Variants in RPS12 observed in about 807,000 individuals in gnomAD.
The protein encoded by RPS12 is ribosomal protein S12.
Under a neutral mutation model 17.2 loss-of-function variants are expected in RPS12, and 1 was observed. The ratio of observed to expected loss-of-function variants is 0.06; its 90% CI spans 0.02 to 0.28. The LOEUF is 0.28. RPS12 is among the 10% of genes least tolerant of loss of function. The probability of loss-of-function intolerance (pLI) is 1.00; values close to 1 mark genes in which losing one functional copy is unlikely to be tolerated. For missense variants in RPS12, 146 were observed against 162.1 expected, an observed-to-expected ratio of 0.90 and a Z score of 0.54; for synonymous variants, 67 against 54.0, an observed-to-expected ratio of 1.24 and a Z score of -1.06.
chr6:132,816,366 G>A lies in RPS12; in HGVS notation c.132-95G>A, dbSNP rs954046304. On this transcript the variant is annotated intron_variant, in intron 3 of 5. Transcript: ENST00000230050. ...TCAGTGGATTGGCTGCTTATGTTTC[G>A]CAAGTGTTAGTGCAAAGATAACCCT... 1.7e-5 allele frequency: 15 copies of A among 875,066 alleles called. No homozygotes were observed. The Middle Eastern group carries it at 8.1e-4, about 47-fold the overall frequency. 54.2% of individuals were successfully genotyped at this position (875,066 alleles called of 1,614,324 possible). A position where few individuals can be genotyped will look rare whatever the true frequency, so the allele number is the denominator to read the frequency against.
chr6:132,816,880 C>A (rs1021857928), intron 4 of RPS12, 80 bp from the exon 5 acceptor site: 7 of 967,590 alleles, frequency 7.2e-6, no homozygotes, highest in Non-Finnish European at 1.2e-5. Context: ...ATTACAGCCA[C>A]CTTTTGGGTT....
At chr6:132,815,850 T>G (rs1347186139) in intron 3 of RPS12, 4 of 431,688 alleles carry the variant, frequency 9.3e-6, no homozygotes, top group Admixed American at 8.4e-5. Flanking sequence ...TTTTTTCTTT[T>G]TTTTTTTTGA....
chr6:132,814,787 G>A lies in RPS12; in HGVS notation c.14+5G>A, dbSNP rs1782004667. 1 of 1,613,010 alleles carries A rather than the reference G, an allele frequency of 6.2e-7. No homozygotes were observed. Among genetic ancestry groups the A allele is most frequent in the African/African-American group, 1.3e-5 (1 of 75,028 alleles). On this transcript the variant is annotated splice_donor_5th_base_variant and intron_variant, in intron 2 of 5. Transcript: ENST00000230050. ...CACCGCCATGGCCGAGGAAGGGTGA[G>A]CCCAGGGGCCGGGGTTGGAGTTGGG...
rs187434472 is a variant in RPS12 at position 132,815,156 on chromosome 6, G to A, written c.131+68G>A. On this transcript the variant is annotated intron_variant, in intron 3 of 5. Transcript: ENST00000230050. ...ACAAAACTGCCACCCAAGGGAAGAA[G>A]GCATGGAGTTCATGGTGTTAGCGCA... 2,158 of 1,006,134 alleles carry A rather than the reference G, an allele frequency of 2.1e-3. 3 individuals are homozygous for A. Among genetic ancestry groups the A allele is most frequent in the Middle Eastern group, 4.1e-3 (20 of 4,856 alleles). The allele number at this position is 1,006,134 out of a possible 1,614,324, so 62.3% of individuals were successfully genotyped here.
At position 132,814,614 on chromosome 6, in the gene RPS12, G is replaced by T; in HGVS notation, c.-38+1G>T. On this transcript the variant is annotated splice_donor_variant, in intron 1 of 5. Coordinates refer to ENST00000230050, the MANE Select transcript of RPS12 (RefSeq NM_001016.4). LOFTEE classifies it low-confidence loss of function (5UTR_SPLICE). ...AGTCGCGCGGAGGCGGAGGCTTGGG[G>T]TAAGTTGAGCGAGGCGGCAGGGGGG... The T allele has an allele frequency of 3.2e-6, 3 of 934,744 alleles. No homozygotes were observed. The highest frequency in any genetic ancestry group is 1.7e-5 in the Admixed American group (1 of 57,606). 57.9% of individuals were successfully genotyped at this position (934,744 alleles called of 1,614,324 possible).
chr6:132,816,762 T>C (rs777263850), intron 4 of RPS12, 198 bp from the exon 5 acceptor site: 2 of 768,874 alleles, frequency 2.6e-6, no homozygotes, highest in South Asian at 1.4e-5. Context: ...GACGTTGGTA[T>C]ACAACAAAGA....
intron 3 of RPS12, chr6:132,815,887 G>A (rs932802578): frequency 2.2e-6 from 1 of 445,782 alleles, no homozygotes; most frequent in Non-Finnish European, 4.4e-6. Context: ...CTGTCCCCCA[G>A]GCTGGAGTGC....
In RPS12 at chr6:132,814,574, T is replaced by G; in HGVS notation, c.-77T>G. 1 of 742,128 alleles carries G rather than the reference T, an allele frequency of 1.3e-6. No homozygotes were observed. The highest frequency in any genetic ancestry group is 1.5e-5 in the South Asian group (1 of 66,546). The allele number at this position is 742,128 out of a possible 1,614,324, so 46.0% of individuals were successfully genotyped here. On this transcript the variant is annotated 5_prime_UTR_variant, in exon 1 of 6. Coordinates refer to ENST00000230050, the MANE Select transcript of RPS12 (RefSeq NM_001016.4). ...GGCATGCGTGCGGATGAGGCCTCTT[T>G]CCCTGCCGCCGCCGAGTCGCGCGGA...
At chr6:132,816,677 C>T in intron 4 of RPS12, 114 bp downstream of exon 4, 1 of 808,852 alleles carries the variant, frequency 1.2e-6, no homozygotes, top group Non-Finnish European at 2.2e-6. Flanking sequence ...ATTACGTGCA[C>T]CTGATACTGT....
Position 132,816,553 on chromosome 6 carries a change from A to G in RPS12, c.224A>G (p.Asn75Ser). The stretch of plus-strand genomic sequence containing the variant: ...GCCCTTTGTGCTGAACACCAAATCA[A>G]CCTAATTAAGGTAAGGCTGCTAAGG... ...VEALCAEHQINLIKVDDNKKL... is the reference protein window; with the variant it reads ...VEALCAEHQISLIKVDDNKKL... Residue 75 changes from asparagine to serine, a missense_variant, in exon 4 of 6, where the codon AAC becomes AGC. Coordinates refer to ENST00000230050, the MANE Select transcript of RPS12 (RefSeq NM_001016.4). The G allele has an allele frequency of 3.1e-6, 5 of 1,594,950 alleles. No homozygotes were observed. The highest frequency in any genetic ancestry group is 4.3e-6 in the Non-Finnish European group (5 of 1,173,968).
rs555878016 is a variant in RPS12, at chr6:132,814,896, A to G, written c.15-76A>G. 8.1e-4 allele frequency: 1,135 copies of G among 1,409,120 alleles called. 1 individual carries two copies. The highest frequency in any genetic ancestry group is 1.5e-3 in the Admixed American group (92 of 59,670). The allele number at this position is 1,409,120 out of a possible 1,614,324, so 87.3% of individuals were successfully genotyped here. On this transcript the variant is annotated intron_variant, in intron 2 of 5. Coordinates refer to ENST00000230050, the MANE Select transcript of RPS12 (RefSeq NM_001016.4). ...GTCGCCGTAAGCGCGTCTGTTGTAC[A>G]CTTAGCTTTTGCTGAGTGCAAGGCC...
At position 132,814,754 on chromosome 6, in the gene RPS12, C is replaced by G; in HGVS notation, c.-15C>G. On this transcript the variant is annotated 5_prime_UTR_variant, in exon 2 of 6. Transcript: ENST00000230050. ...TAGTGCGTTCAAGATTCAACTTCAC[C>G]CGTAACCCACCGCCATGGCCGAGGA... 1 of 1,613,494 alleles carries G rather than the reference C, an allele frequency of 6.2e-7. No homozygotes were observed. The highest frequency in any genetic ancestry group is 8.5e-7 in the Non-Finnish European group (1 of 1,179,570).
At chr6:132,816,295 C>T (rs1782060379) in intron 3 of RPS12, among the ~76,000 whole-genome samples, 166 bp from the exon 4 acceptor site, 1 of 152,146 alleles carries the variant, frequency 6.6e-6, no homozygotes, top group African/African-American at 2.4e-5. Flanking sequence ...TATATGCTCC[C>T]TAGCAGGTTC....
chr6:132,815,623 A>T, intron 3 of RPS12: 1 of 456,566 alleles, frequency 2.2e-6, no homozygotes, highest in South Asian at 1.6e-5. Flanking sequence ...GGTGGCATTG[A>T]CAAATCAACC....
chr6:132,814,713 C>CA lies in RPS12; in HGVS notation c.-37-17dup. 1 of 1,598,914 alleles carries CA rather than the reference C, an allele frequency of 6.3e-7. No homozygotes were observed. The highest frequency in any genetic ancestry group is 8.6e-7 in the Non-Finnish European group (1 of 1,166,982). ...ACGAGTATCTGGTTCTTTAACAAGT[C>CA]AATGCTTTTGTTTTTTAGTGCGTTC... On this transcript the variant is annotated intron_variant, in intron 1 of 5. Coordinates refer to ENST00000230050, the MANE Select transcript of RPS12 (RefSeq NM_001016.4).
In RPS12 at chr6:132,816,140, A is replaced by G. The variant is rs1015604843; in HGVS notation, c.132-321A>G. ...TGAGCCATCGTGCCCGGCCTTTCAC[A>G]TGTTTCTTTAGGTATATGAAGCTGG... is the stretch of plus-strand genomic sequence containing the variant. On this transcript the variant is annotated intron_variant, in intron 3 of 5. Transcript: ENST00000230050. 45 of 415,044 alleles carry G rather than the reference A, an allele frequency of 1.1e-4. 1 individual carries two copies. Among genetic ancestry groups the G allele is most frequent in the African/African-American group, 8.5e-4 (42 of 49,250 alleles). 25.7% of individuals were successfully genotyped at this position (415,044 alleles called of 1,614,324 possible).
intron 3 of RPS12, 44 bp from the exon 4 acceptor site, chr6:132,816,417 G>A: frequency 7.0e-7 from 1 of 1,429,670 alleles, no homozygotes; most frequent in South Asian, 1.1e-5. Context: ...TGATGGATTT[G>A]GATCTGAGTT....
At chr6:132,817,279 C>CA (rs1562281555) in intron 5 of RPS12, 1 of 772,588 alleles carries the variant, frequency 1.3e-6, no homozygotes, top group Non-Finnish European at 2.4e-6. Flanking sequence ...TAAAAACTGG[C>CA]AATAGTAAAG....
chr6:132,816,365 C>A, intron 3 of RPS12, 96 bp from the exon 4 acceptor site: 1 of 868,464 alleles, frequency 1.2e-6, no homozygotes, highest in South Asian at 1.5e-5. Flanking sequence ...GCTTATGTTT[C>A]GCAAGTGTTA....
Sources: gnomAD v4.1 joint callset for allele counts (sites outside exome capture counted in the v4.1 genomes callset) on GRCh38, gnomAD v4.1.1 for gene constraint, MANE v1.5 for transcripts, NCBI Gene and HGNC (gene_info 2026-07-23, HGNC 2026-07-21) for gene names.